The following USP9Y variants were observed in gnomAD, a reference collection of about 807,000 sequenced individuals.
The protein encoded by USP9Y is ubiquitin specific peptidase 9 Y-linked, also known as ubiquitin carboxyl-terminal hydrolase 9Y.
Under a neutral mutation model 53.1 loss-of-function variants are expected in USP9Y, and 41 were observed. The observed-to-expected ratio is 0.77, with a 90% CI of 0.60 to 1.00. USP9Y has a LOEUF of 1.00. USP9Y is among the 50% of genes least tolerant of loss of function. The pLI is 0.00. For missense variants in USP9Y, 567 were observed against 535.8 expected (o/e 1.06, Z -0.58); for synonymous variants, 220 against 173.7 (o/e 1.27, Z -2.09).
chrY:12,826,082 G>A (rs2053545897), intron 33 of USP9Y, among the ~76,000 whole-genome samples: 2 of 31,182 alleles, frequency 6.4e-5, no homozygotes, highest in Non-Finnish European at 1.5e-4. Context: ...GATTATAGGC[G>A]TCTGCCACCA....
chrY:12,833,955 T>G, intron 34 of USP9Y, 94 bp downstream of exon 34: 1 of 256,049 alleles, frequency 3.9e-6, no homozygotes, highest in Non-Finnish European at 6.0e-6. Context: ...AAAAGCAGAG[T>G]GTACCAAAAG....
Position 12,778,590 on chromosome Y carries a change from A to G in USP9Y, c.2881-16A>G. On this transcript the variant is annotated splice_polypyrimidine_tract_variant and intron_variant, in intron 20 of 45. Coordinates refer to ENST00000338981, the MANE Select transcript of USP9Y (RefSeq NM_004654.4). The stretch of plus-strand genomic sequence containing the variant: ...TTTTGCCTTGTCTTTGCTAATAAAC[A>G]CACTGTTATTTTCAGCTAATTACAG... 2.5e-6 allele frequency: 1 copy of G among 397,117 alleles called. No homozygotes were observed. The highest frequency in any genetic ancestry group is 3.5e-6 in the Non-Finnish European group (1 of 282,087).
intron 19 of USP9Y, 25 bp downstream of exon 19, chrY:12,776,885 G>A: frequency 2.8e-6 from 1 of 351,722 alleles, no homozygotes; most frequent in Non-Finnish European, 4.1e-6. Flanking sequence ...GATCTCTAGT[G>A]TTAATTTACA....
chrY:12,807,895 G>A (rs537341344), intron 27 of USP9Y, among the ~76,000 whole-genome samples: 27 of 33,055 alleles, frequency 8.2e-4, no homozygotes, highest in African/African-American at 3.2e-3. Flanking sequence ...TTTTAATTGA[G>A]TGTAATATAA....
At chrY:12,763,518 A>G (rs910410474) in intron 15 of USP9Y, among the ~76,000 whole-genome samples, 2 of 32,267 alleles carry the variant, frequency 6.2e-5, no homozygotes, top group Non-Finnish European at 1.5e-4. Context: ...TGTTCTTTCT[A>G]CTTTCATTAT....
chrY:12,823,725 T>TAAA (rs1603202507), intron 33 of USP9Y, among the ~76,000 whole-genome samples: 214 of 33,022 alleles, frequency 6.5e-3, no homozygotes, highest in Admixed American at 0.017. Context: ...TTTTATAAGT[T>TAAA]TAAAGGGAAA....
At chrY:12,789,244 T>G in intron 24 of USP9Y, among the ~76,000 whole-genome samples, 1 of 33,782 alleles carries the variant, frequency 3.0e-5, no homozygotes, top group Non-Finnish European at 7.3e-5. Flanking sequence ...TTGTTCAGTC[T>G]TAACGCTTTG....
At chrY:12,723,394 A>T (rs1338666508) in intron 5 of USP9Y, among the ~76,000 whole-genome samples, 23 of 22,884 alleles carry the variant, frequency 1.0e-3, no homozygotes, top group East Asian at 5.5e-3. Context: ...ATTTTATTTT[A>T]TTTTTTTTTT....
chrY:12,853,584 G>A (rs564418842), intron 42 of USP9Y, among the ~76,000 whole-genome samples: 1 of 33,794 alleles, frequency 3.0e-5, no homozygotes, highest in Admixed American at 2.7e-4. Flanking sequence ...AGGTACTTAA[G>A]TTGGAAATGT....
In USP9Y at chrY:12,860,489, A is replaced by G. The variant is rs953892854; in HGVS notation, c.*1073A>G. ...TGCACCAAGATGTCTGACTGAATTC[A>G]TAGTCACACTTTTATTTGAAAGAAA... On this transcript the variant is annotated 3_prime_UTR_variant, in exon 46 of 46. Transcript: ENST00000338981. 6.1e-5 allele frequency: 2 copies of G among 32,854 alleles called. No individual in the cohort carries two copies. The highest frequency in any genetic ancestry group is 1.5e-4 in the Non-Finnish European group (2 of 13,327). The allele number at this position is 32,854 out of a possible 400,897, so 8.2% of individuals were successfully genotyped here.
intron 29 of USP9Y, among the ~76,000 whole-genome samples, chrY:12,811,310 TGACGTTGTGTACCCA>T (rs2053530481): frequency 3.0e-5 from 1 of 33,292 alleles, no homozygotes; most frequent in African/African-American, 1.2e-4. Context: ...ACCCTGGTAT[TGACGTTGTGTACCCA>T]GATAATTCCT....
At chrY:12,800,817 T>C in intron 27 of USP9Y, among the ~76,000 whole-genome samples, 1 of 33,630 alleles carries the variant, frequency 3.0e-5, no homozygotes, top group Non-Finnish European at 7.4e-5. Flanking sequence ...GAAAACCCAA[T>C]TTCCCCTGAG....
At position 12,860,418 on chromosome Y, in the gene USP9Y, C is replaced by T. The variant is rs2053583093; in HGVS notation, c.*1002C>T. On this transcript the variant is annotated 3_prime_UTR_variant, in exon 46 of 46. Coordinates refer to ENST00000338981, the MANE Select transcript of USP9Y (RefSeq NM_004654.4). ...TCTAAAACTTTGCTTCTCCTGATCC[C>T]GGTGAAGTGTACATCATAAGAATCC... The T allele has an allele frequency of 3.1e-5, 1 of 32,087 alleles. No homozygotes were observed. Among genetic ancestry groups the T allele is most frequent in the African/African-American group, 1.2e-4 (1 of 8,231 alleles). The allele number at this position is 32,087 out of a possible 400,897, so 8.0% of individuals were successfully genotyped here. A position where few individuals can be genotyped will look rare whatever the true frequency, so the allele number is the denominator to read the frequency against.
chrY:12,859,038 A>T (rs2053580697), intron 45 of USP9Y, among the ~76,000 whole-genome samples: 3 of 33,746 alleles, frequency 8.9e-5, no homozygotes, highest in Admixed American at 2.7e-4. Flanking sequence ...TTCTCTAGGG[A>T]GGTGAAATGA....
intron 42 of USP9Y, among the ~76,000 whole-genome samples, chrY:12,855,417 G>C: frequency 3.1e-5 from 1 of 32,614 alleles, no homozygotes; most frequent in Non-Finnish European, 7.5e-5. Flanking sequence ...TCACCATGTT[G>C]GTCAGGCTGG....
intron 33 of USP9Y, among the ~76,000 whole-genome samples, chrY:12,832,652 C>T (rs2148291164): frequency 3.0e-5 from 1 of 33,552 alleles, no homozygotes; most frequent in South Asian, 6.4e-4. Context: ...AACTCTACCA[C>T]AATAATAAAA....
chrY:12,775,534 A>T lies in USP9Y; in HGVS notation c.2395A>T (p.Thr799Ser). ...RAIDLLKEIY[T>S]NLGPRLKANQ... ...TATAGATCTTCTTAAAGAGATATACACAAACCTTGGCCCAAGATTAAAAGC... is the reference window on the plus strand; with the variant it reads ...TATAGATCTTCTTAAAGAGATATACTCAAACCTTGGCCCAAGATTAAAAGC... The change falls in exon 18 of 46, where the codon ACA (threonine) becomes TCA (serine). Residue 799 changes from threonine (T) to serine (S), a missense_variant. By Grantham distance (58) the Thr-to-Ser change is moderately conservative (BLOSUM62 1). Coordinates refer to ENST00000338981, the MANE Select transcript of USP9Y (RefSeq NM_004654.4). The T allele has an allele frequency of 2.5e-6, 1 of 394,141 alleles. No homozygotes were observed. Among genetic ancestry groups the T allele is most frequent in the Admixed American group, 7.5e-5 (1 of 13,329 alleles).
At chrY:12,768,305 T>C in intron 15 of USP9Y, among the ~76,000 whole-genome samples, 4 of 32,533 alleles carry the variant, frequency 1.2e-4, no homozygotes, top group Non-Finnish European at 1.5e-4. Context: ...ATTTCATTTT[T>C]TCTAAATTTT....
intron 27 of USP9Y, among the ~76,000 whole-genome samples, chrY:12,795,482 A>T: frequency 3.1e-5 from 1 of 32,765 alleles, no homozygotes; most frequent in African/African-American, 1.2e-4. Context: ...CGATTTAGTG[A>T]TGTTGTTATT....
Sources: allele counts gnomAD v4.1 joint callset (sites outside exome capture counted in the v4.1 genomes callset), GRCh38; gene constraint gnomAD v4.1.1; transcripts MANE v1.5; gene names NCBI Gene and HGNC (gene_info 2026-07-23, HGNC 2026-07-21).